Variants in NOL4L observed in about 807,000 individuals in gnomAD.
The protein encoded by NOL4L is nucleolar protein 4-like.
Under a neutral mutation model 64.5 loss-of-function variants are expected in NOL4L, and 7 were observed. The ratio of observed to expected loss-of-function variants is 0.11; its 90% CI spans 0.06 to 0.20. NOL4L has a LOEUF of 0.20. Among genes scored for constraint, NOL4L ranks in the 10% least tolerant of loss-of-function variants. The pLI, the probability that NOL4L is intolerant of heterozygous loss-of-function variation, is 1.00. For synonymous variants in NOL4L, 413 were observed against 401.0 expected, an observed-to-expected ratio of 1.03 and a Z score of -0.36; for missense variants, 680 against 967.1, an observed-to-expected ratio of 0.70 and a Z score of 3.94.
At chr20:32,497,664 T>G (rs1398505399) in intron 4 of NOL4L, among the ~76,000 whole-genome samples, 1 of 152,118 alleles carries the variant, frequency 6.6e-6, no homozygotes, top group Non-Finnish European at 1.5e-5. Context: ...AGGGCAGCCA[T>G]CAGTACAGGG....
At chr20:32,538,242 G>C (rs893797384) in intron 1 of NOL4L, among the ~76,000 whole-genome samples, 8 of 152,294 alleles carry the variant, frequency 5.3e-5, no homozygotes, top group Admixed American at 5.2e-4. Context: ...AGAGCCTTTG[G>C]GGGGCAGGGA....
At chr20:32,511,978 A>C (rs928170292) in intron 3 of NOL4L, among the ~76,000 whole-genome samples, 3 of 152,168 alleles carry the variant, frequency 2.0e-5, no homozygotes, top group Non-Finnish European at 4.4e-5. Flanking sequence ...GCACCACTGC[A>C]CTCCAGCCTC....
At chr20:32,495,496 T>G (rs2016652453) in intron 4 of NOL4L, among the ~76,000 whole-genome samples, 1 of 152,162 alleles carries the variant, frequency 6.6e-6, no homozygotes, top group Admixed American at 6.5e-5. Context: ...CTGGGCTCCG[T>G]GCCCAGCATT....
chr20:32,462,907 A>AAAAAAAAAAAAAAAC (rs2014210914), intron 5 of NOL4L, among the ~76,000 whole-genome samples: 1 of 136,394 alleles, frequency 7.3e-6, no homozygotes, highest in South Asian at 2.1e-4. Flanking sequence ...CTGTCTTAAA[A>AAAAAAAAAAAAAAAC]AAAAAAAAAA....
intron 1 of NOL4L, among the ~76,000 whole-genome samples, chr20:32,584,340 G>A (rs1482714182): frequency 8.6e-5 from 13 of 151,276 alleles, no homozygotes; most frequent in African/African-American, 2.9e-4. Flanking sequence ...GCACGGCCAC[G>A]GCCCGGGCAG....
intron 1 of NOL4L, among the ~76,000 whole-genome samples, chr20:32,552,456 G>T (rs1158726403): frequency 1.3e-5 from 2 of 151,680 alleles, no homozygotes; most frequent in South Asian, 4.2e-4. Flanking sequence ...GGAGGCCAAG[G>T]CGGGCGGATG....
chr20:32,478,515 G>A (rs892963506), intron 4 of NOL4L, among the ~76,000 whole-genome samples: 1 of 152,128 alleles, frequency 6.6e-6, no homozygotes, highest in African/African-American at 2.4e-5. Flanking sequence ...TTTCTCCCCA[G>A]CTCCCCAGGA....
In NOL4L at chr20:32,464,697, G is replaced by A. The variant is rs899203679; in HGVS notation, c.842-8302C>T. On this transcript the variant is annotated intron_variant, in intron 5 of 10. Coordinates refer to ENST00000621426, the MANE Select transcript of NOL4L (RefSeq NM_001256798.2). This position sits in a 1 kb window ranked among gnomAD's most constrained non-coding sequence, Gnocchi z 5.6. ...CTCACAGTCGGGAGCAGCACTGTCC[G>A]ACAGAAACAGAGTGGGAGCCGCATG... 4.4e-5 allele frequency: 11 copies of A among 250,670 alleles called. No individual in the cohort carries two copies. In the Admixed American group the frequency reaches 5.0e-4, roughly 11 times the overall value. The allele number at this position is 250,670 out of a possible 1,614,324, so 15.5% of individuals were successfully genotyped here. A position where few individuals can be genotyped will look rare whatever the true frequency, so the allele number is the denominator to read the frequency against.
intron 1 of NOL4L, among the ~76,000 whole-genome samples, chr20:32,570,833 A>G (rs6141753): frequency 0.26 from 39,772 of 152,072 alleles, 6,618 homozygotes; most frequent in East Asian, 0.76. Flanking sequence ...AATGATAACA[A>G]CAGCAGCCAC....
At chr20:32,491,158 G>A (rs1293818307) in intron 4 of NOL4L, among the ~76,000 whole-genome samples, 1 of 152,220 alleles carries the variant, frequency 6.6e-6, no homozygotes, top group Non-Finnish European at 1.5e-5. Flanking sequence ...AGGGGAGAGA[G>A]AGATTAAACA....
intron 4 of NOL4L, among the ~76,000 whole-genome samples, chr20:32,489,665 C>A (rs888125963): frequency 4.6e-5 from 7 of 152,018 alleles, no homozygotes; most frequent in Non-Finnish European, 8.8e-5. Context: ...GTTTTCTGGG[C>A]CGGGCGCAGT....
chr20:32,510,294 G>A (rs768245410), intron 4 of NOL4L: 17 of 279,216 alleles, frequency 6.1e-5, no homozygotes, highest in Non-Finnish European at 8.6e-5. Context: ...GTGGGGACAG[G>A]AGGGCTGGCC....
intron 4 of NOL4L, among the ~76,000 whole-genome samples, chr20:32,491,658 G>C (rs1014847843): frequency 6.6e-6 from 1 of 152,154 alleles, no homozygotes; most frequent in African/African-American, 2.4e-5. Context: ...TCCTGGACAC[G>C]GGCCACACTT....
At chr20:32,577,039 G>C (rs1442428163) in intron 1 of NOL4L, among the ~76,000 whole-genome samples, 2 of 152,154 alleles carry the variant, frequency 1.3e-5, no homozygotes, top group Non-Finnish European at 2.9e-5. Flanking sequence ...CCAGCTGTGT[G>C]TTCACTGTGG....
chr20:32,463,164 C>CACAGGCCTCACGGGGT lies in NOL4L; in HGVS notation c.842-6785_842-6770dup, dbSNP rs1451316784. On this transcript the variant is annotated intron_variant, in intron 5 of 10. Transcript: ENST00000621426. This position sits in a 1 kb window ranked among gnomAD's most constrained non-coding sequence, Gnocchi z 5.8. The stretch of plus-strand genomic sequence containing the variant: ...CTCCATGGGCACCGAAGCCCCAGCA[C>CACAGGCCTCACGGGGT]ACAGGCCTCACGGGGTGCAGGCCTC... Among the ~76,000 whole-genome samples, 1 of 152,222 alleles carries CACAGGCCTCACGGGGT rather than the reference C, an allele frequency of 6.6e-6. No homozygotes were observed. The highest frequency in any genetic ancestry group is 2.4e-5 in the African/African-American group (1 of 41,458).
At chr20:32,459,358 C>T (rs1381126049) in intron 5 of NOL4L, among the ~76,000 whole-genome samples, 2 of 149,746 alleles carry the variant, frequency 1.3e-5, no homozygotes, top group East Asian at 3.9e-4. Flanking sequence ...TCCCCAGCAG[C>T]GCACACCACG....
intron 1 of NOL4L, among the ~76,000 whole-genome samples, chr20:32,578,108 AAAGGAAGGAAGG>A (rs1333476438): frequency 5.7e-5 from 5 of 88,284 alleles, no homozygotes; most frequent in South Asian, 9.2e-4. Context: ...AGAAAGAGAG[AAAGGAAGGAAGG>A]AAGGAAGGAA....
At chr20:32,517,530 T>G (rs1475793641) in intron 3 of NOL4L, among the ~76,000 whole-genome samples, 1 of 152,232 alleles carries the variant, frequency 6.6e-6, no homozygotes, top group Admixed American at 6.5e-5. Context: ...TCTGGCCACT[T>G]AGCAGACAGT....
chr20:32,476,588 G>A (rs2015415349), intron 4 of NOL4L, among the ~76,000 whole-genome samples: 1 of 152,242 alleles, frequency 6.6e-6, no homozygotes, highest in Admixed American at 6.5e-5. Flanking sequence ...TCTAGTAACA[G>A]TTGAAAGTGC....
Sources: allele counts gnomAD v4.1 joint callset (sites outside exome capture counted in the v4.1 genomes callset), GRCh38; gene constraint gnomAD v4.1.1; non-coding constraint Gnocchi (gnomAD v3.1); transcripts MANE v1.5; gene names NCBI Gene and HGNC (gene_info 2026-07-23, HGNC 2026-07-21).